The following ATAD2 variants were observed in gnomAD, a reference collection of about 807,000 sequenced individuals.
The protein encoded by ATAD2 is ATPase family AAA domain-containing protein 2.
A neutral mutation model predicts 168.9 loss-of-function variants in ATAD2; 62 were observed. The observed-to-expected ratio is 0.37, with a 90% CI of 0.30 to 0.45. ATAD2 has a LOEUF of 0.45. Among genes scored for constraint, ATAD2 ranks in the 20% least tolerant of loss-of-function variants. The probability of loss-of-function intolerance (pLI) is 1.00; values close to 1 mark genes in which losing one functional copy is unlikely to be tolerated. For missense variants in ATAD2, 1,419 were observed against 1,667.8 expected (o/e 0.85, Z 2.60); for synonymous variants, 613 against 571.6 (o/e 1.07, Z -1.03).
chr8:123,324,014 A>G (rs774031013), intron 26 of ATAD2, among the ~76,000 whole-genome samples: 34 of 152,228 alleles, frequency 2.2e-4, no homozygotes, highest in Non-Finnish European at 4.1e-4. Flanking sequence ...TTAACCCCAA[A>G]CAACATAACA....
Position 123,359,159 on chromosome 8 carries a change from G to A in ATAD2, c.1382+62C>T, listed in dbSNP as rs530470280. ...AAATGGGTTAATAAGCAAGGTATAA[G>A]AACTACAAGAAGCAAGAATAGCAAA... On this transcript the variant is annotated intron_variant, in intron 11 of 27. Transcript: ENST00000287394. 6 of 1,235,476 alleles carry A rather than the reference G, an allele frequency of 4.9e-6. No homozygotes were observed. The African/African-American group carries it at 9.2e-5, about 19-fold the overall frequency. 76.5% of individuals were successfully genotyped at this position (1,235,476 alleles called of 1,614,324 possible).
intron 1 of ATAD2, among the ~76,000 whole-genome samples, chr8:123,408,450 T>C (rs1813099878): frequency 6.6e-6 from 1 of 152,206 alleles, no homozygotes; most frequent in African/African-American, 2.4e-5. Context: ...AGATTATTCA[T>C]GGTGGCAGAG....
chr8:123,325,998 A>G lies in ATAD2; in HGVS notation c.3897T>C (p.Ala1299=), dbSNP rs367692163. The G allele has an allele frequency of 9.9e-6, 16 of 1,614,032 alleles. No individual in the cohort carries two copies. In the South Asian group the frequency reaches 1.2e-4, roughly 12 times the overall value. ...KEMCVLRMTR[A]RRSQVEQQQL... is the part of the protein sequence containing the mutation. ...GCTGCTGTTCTACCTGGGAACGTCT[A>G]GCTCGAGTCATTCGCAGAACACACA... is the stretch of plus-strand genomic sequence containing the variant. The change falls in exon 26 of 28, where the codon GCT becomes GCC. Residue 1299 remains alanine, a synonymous_variant. Coordinates refer to ENST00000287394, the MANE Select transcript of ATAD2 (RefSeq NM_014109.4).
chr8:123,406,630 A>G (rs1489745631), intron 1 of ATAD2, among the ~76,000 whole-genome samples: 1 of 151,932 alleles, frequency 6.6e-6, no homozygotes, highest in African/African-American at 2.4e-5. Context: ...CAGCCTGGGC[A>G]ACATGGTGAA....
At position 123,350,526 on chromosome 8, in the gene ATAD2, T is replaced by A. The variant is rs544786080; in HGVS notation, c.1647-1082A>T. Among the ~76,000 whole-genome samples, 4 of 152,332 alleles carry A rather than the reference T, an allele frequency of 2.6e-5. No individual in the cohort carries two copies. The East Asian group carries it at 7.7e-4, about 29-fold the overall frequency. On this transcript the variant is annotated intron_variant, in intron 13 of 27. Coordinates refer to ENST00000287394, the MANE Select transcript of ATAD2 (RefSeq NM_014109.4). ...CTACACTTGATTATTTGTCACTGAA[T>A]TCCTTGACAGTTCCCACTGTGCCTC...
chr8:123,378,598 G>A (rs554421942), intron 2 of ATAD2, among the ~76,000 whole-genome samples: 148 of 149,766 alleles, frequency 9.9e-4, no homozygotes, highest in African/African-American at 3.4e-3. Context: ...GTTACTAGGT[G>A]AGCTGAGGCA....
chr8:123,391,905 C>T (rs762510441), intron 1 of ATAD2, among the ~76,000 whole-genome samples: 21 of 152,214 alleles, frequency 1.4e-4, no homozygotes, highest in Non-Finnish European at 2.5e-4. Context: ...ACACAGACAC[C>T]TTGATGTATA....
intron 1 of ATAD2, among the ~76,000 whole-genome samples, chr8:123,393,824 GGA>G (rs1366722075): frequency 1.3e-5 from 2 of 152,048 alleles, no homozygotes; most frequent in Admixed American, 6.6e-5. Context: ...GGCTGAGGCA[GGA>G]GAGTCACTTG....
intron 24 of ATAD2, among the ~76,000 whole-genome samples, chr8:123,330,966 A>G (rs1660017446): frequency 6.6e-6 from 1 of 152,202 alleles, no homozygotes; most frequent in African/African-American, 2.4e-5. Flanking sequence ...TCTACTGCCC[A>G]GGCTGGAAGG....
rs2129994136 is a variant in ATAD2 at position 123,396,370 on chromosome 8, C to A, written c.-13G>T. On this transcript the variant is annotated 5_prime_UTR_variant, in exon 1 of 28. Coordinates refer to ENST00000287394, the MANE Select transcript of ATAD2 (RefSeq NM_014109.4). ...GGAGAACCACCATCTTCTCTCCCTA[C>A]TGGCCTCGGCGTGCGCGACCGGAGA... is the stretch of plus-strand genomic sequence containing the variant. 3 of 1,560,930 alleles carry A rather than the reference C, an allele frequency of 1.9e-6. No individual in the cohort carries two copies. Among genetic ancestry groups the A allele is most frequent in the East Asian group, 4.8e-5 (2 of 42,056 alleles).
upstream of ATAD2, chr8:123,401,382 CAT>C: frequency 7.1e-7 from 1 of 1,410,174 alleles, no homozygotes; most frequent in East Asian, 2.3e-5. Flanking sequence ...GTGTCGACGT[CAT>C]AGTCTTGGAC....
chr8:123,337,858 C>T (rs775682683), intron 20 of ATAD2, 37 bp from the exon 21 acceptor site: 1 of 1,530,670 alleles, frequency 6.5e-7, no homozygotes, highest in Non-Finnish European at 8.8e-7. Flanking sequence ...ACTGCTCCTC[C>T]ATAACATTGA....
chr8:123,322,694 AAACT>A (rs1240473647), intron 27 of ATAD2, among the ~76,000 whole-genome samples: 8 of 152,158 alleles, frequency 5.3e-5, no homozygotes, highest in Non-Finnish European at 1.2e-4. Flanking sequence ...ATAAACAAAC[AAACT>A]AATTAAGTTA....
Position 123,359,503 on chromosome 8 carries a change from T to C in ATAD2, c.1266+74A>G, listed in dbSNP as rs1347641237. The C allele has an allele frequency of 2.1e-6, 3 of 1,400,324 alleles. No homozygotes were observed. The Admixed American group carries it at 6.6e-5, about 31-fold the overall frequency. 86.7% of individuals were successfully genotyped at this position (1,400,324 alleles called of 1,614,324 possible). On this transcript the variant is annotated intron_variant, in intron 10 of 27. Transcript: ENST00000287394. ...TTTGACTAAAAAGAAAAATCATTGG[T>C]TCCTTTTTTTAACTTTAAAACTAAA... is the stretch of plus-strand genomic sequence containing the variant.
At chr8:123,389,374 TCA>T (rs1829743588) in intron 1 of ATAD2, among the ~76,000 whole-genome samples, 1 of 142,744 alleles carries the variant, frequency 7.0e-6, no homozygotes, top group Admixed American at 7.0e-5. Flanking sequence ...GCGTGGTGGC[TCA>T]CATCTGTAAT....
intron 6 of ATAD2, 46 bp from the exon 7 acceptor site, chr8:123,370,070 G>T: frequency 6.8e-7 from 1 of 1,470,422 alleles, no homozygotes; most frequent in Non-Finnish European, 9.2e-7. Context: ...TCAGCAAAAT[G>T]TTAACAATTT....
chr8:123,321,140 G>A lies in ATAD2; in HGVS notation c.4167C>T (p.Ser1389=), dbSNP rs1827458423. 6.2e-7 allele frequency: 1 copy of A among 1,608,676 alleles called. No homozygotes were observed. Among genetic ancestry groups the A allele is most frequent in the Non-Finnish European group, 8.5e-7 (1 of 1,178,646 alleles). Residue 1389 remains serine (S), a synonymous_variant, in exon 28 of 28, where the codon TCC becomes TCT. Coordinates refer to ENST00000287394, the MANE Select transcript of ATAD2 (RefSeq NM_014109.4). ...MEQEVENFSC[S]R is the part of the protein sequence containing the mutation. ...ACTCGATACCATGACATCATCATCT[G>A]GAACAACTGAAGTTTTCTACCTCTT...
intron 1 of ATAD2, among the ~76,000 whole-genome samples, chr8:123,382,601 T>G (rs774282133): frequency 2.6e-5 from 4 of 152,216 alleles, no homozygotes; most frequent in Non-Finnish European, 5.9e-5. Flanking sequence ...ATCCCATTCA[T>G]TTGCCCTTCT....
intron 16 of ATAD2, 93 bp downstream of exon 16, chr8:123,346,999 A>G: frequency 7.5e-7 from 1 of 1,340,818 alleles, no homozygotes; most frequent in Non-Finnish European, 1.0e-6. Flanking sequence ...TTTTCAAGAG[A>G]TTCTTTTACA....
Sources: allele counts gnomAD v4.1 joint callset (sites outside exome capture counted in the v4.1 genomes callset), GRCh38; gene constraint gnomAD v4.1.1; transcripts MANE v1.5; gene names NCBI Gene and HGNC (gene_info 2026-07-23, HGNC 2026-07-21).